PRELID2: variants seen among roughly 807,000 people sequenced by gnomAD.
PRELID2 encodes the protein PRELI domain-containing protein 2.
In PRELID2, 25 loss-of-function variants were observed where a neutral mutation model predicts 28.4. The observed-to-expected ratio is 0.88, with a 90% CI of 0.64 to 1.23. PRELID2 has a LOEUF of 1.23. PRELID2 is among the 50% of genes most tolerant of loss of function. The pLI, the probability that PRELID2 is intolerant of heterozygous loss-of-function variation, is 0.00. For missense variants in PRELID2, 201 were observed against 214.4 expected (o/e 0.94, Z 0.39); for synonymous variants, 76 against 71.6 (o/e 1.06, Z -0.31).
intron 1 of PRELID2, among the ~76,000 whole-genome samples, chr5:145,737,154 G>C (rs947502652): frequency 5.3e-5 from 8 of 152,102 alleles, no homozygotes; most frequent in African/African-American, 1.9e-4. Flanking sequence ...ATTTATTCAA[G>C]TTGGGACCAA....
the PRELID2 span, among the ~76,000 whole-genome samples, chr5:145,298,132 A>G: frequency 3.3e-5 from 5 of 152,238 alleles, no homozygotes; most frequent in African/African-American, 1.2e-4. Flanking sequence ...TAAAGTTCAT[A>G]TGGAACCAAA....
At chr5:145,495,942 G>T (rs1258906730) in intron 1 of PRELID2, among the ~76,000 whole-genome samples, 1 of 152,130 alleles carries the variant, frequency 6.6e-6, no homozygotes, top group Non-Finnish European at 1.5e-5. Flanking sequence ...ACCGGAGAAT[G>T]AGTCAGGTGT....
intron 3 of PRELID2, chr5:145,819,564 A>C: frequency 1.7e-6 from 1 of 582,352 alleles, no homozygotes; most frequent in Non-Finnish European, 3.0e-6. Context: ...TAGAAACTGA[A>C]GTTTTTCTCT....
chr5:145,503,974 C>T (rs1580961153), intron 1 of PRELID2, among the ~76,000 whole-genome samples: 1 of 152,274 alleles, frequency 6.6e-6, no homozygotes, highest in Non-Finnish European at 1.5e-5. Context: ...CTGGACCAGG[C>T]TCTGTAGTAA....
At chr5:145,715,751 T>C (rs1300819675) in intron 1 of PRELID2, among the ~76,000 whole-genome samples, 1 of 152,180 alleles carries the variant, frequency 6.6e-6, no homozygotes, top group Non-Finnish European at 1.5e-5. Context: ...TTTCTCCCTA[T>C]GAGTGTCCCA....
chr5:145,809,647 T>C (rs980627111), intron 4 of PRELID2, among the ~76,000 whole-genome samples: 6 of 152,208 alleles, frequency 3.9e-5, no homozygotes, highest in Non-Finnish European at 8.8e-5. Context: ...CTTTTAGACA[T>C]AGAAAGCTGA....
the PRELID2 span, among the ~76,000 whole-genome samples, chr5:145,438,437 T>A: frequency 6.6e-6 from 1 of 152,146 alleles, no homozygotes; most frequent in Non-Finnish European, 1.5e-5. Context: ...AGTGTTCTCT[T>A]AACCTCTTTT....
chr5:145,546,524 G>T (rs1173592980), intron 1 of PRELID2, among the ~76,000 whole-genome samples: 2 of 152,132 alleles, frequency 1.3e-5, no homozygotes, highest in African/African-American at 4.8e-5. Flanking sequence ...TAAAATCACA[G>T]TGGGGAGTAA....
chr5:145,415,375 G>T, the PRELID2 span, among the ~76,000 whole-genome samples: 7 of 151,486 alleles, frequency 4.6e-5, no homozygotes, highest in African/African-American at 7.3e-5. Flanking sequence ...CTGGTGTGCT[G>T]CACCCATTAA....
intron 1 of PRELID2, among the ~76,000 whole-genome samples, chr5:145,627,121 AAAAAAAAAAAAAAAAAAAAAAAAAAT>A (rs1753859043): frequency 3.0e-5 from 3 of 101,214 alleles, no homozygotes; most frequent in African/African-American, 1.8e-4. Context: ...AAAAAAAAAA[AAAAAAAAAAAAAAAAAAAAAAAAAAT>A]TTGTGTATAT....
chr5:145,537,561 G>A (rs147540220), intron 1 of PRELID2, among the ~76,000 whole-genome samples: 1 of 151,898 alleles, frequency 6.6e-6, no homozygotes, highest in African/African-American at 2.4e-5. Flanking sequence ...ACATTTCCCT[G>A]ATGATTAGTG....
At chr5:145,229,048 C>T in the PRELID2 span, 2 of 1,597,170 alleles carry the variant, frequency 1.3e-6, no homozygotes, top group Non-Finnish European at 8.6e-7. Flanking sequence ...GCCATCCAGT[C>T]CAGCGCACTG....
intron 1 of PRELID2, among the ~76,000 whole-genome samples, chr5:145,706,612 G>A (rs904698176): frequency 1.2e-4 from 19 of 152,250 alleles, no homozygotes; most frequent in Middle Eastern, 3.4e-3. Flanking sequence ...TAGGCACTAC[G>A]CTAGGTGATG....
chr5:145,793,654 A>G (rs1358412397), intron 5 of PRELID2, among the ~76,000 whole-genome samples: 2 of 152,212 alleles, frequency 1.3e-5, no homozygotes, highest in Non-Finnish European at 2.9e-5. Flanking sequence ...TGAGAATAAA[A>G]AGGAATCACT....
At chr5:145,332,553 T>C in the PRELID2 span, among the ~76,000 whole-genome samples, 1 of 151,976 alleles carries the variant, frequency 6.6e-6, no homozygotes, top group African/African-American at 2.4e-5. Context: ...TCTGCTTGAT[T>C]GATTTGGCTA....
the PRELID2 span, among the ~76,000 whole-genome samples, chr5:145,462,216 AG>A: frequency 6.6e-6 from 1 of 152,222 alleles, no homozygotes; most frequent in African/African-American, 2.4e-5. Context: ...GAAAAATCTC[AG>A]GAGACTGAAA....
chr5:145,713,478 CTA>C (rs533846178), intron 1 of PRELID2, among the ~76,000 whole-genome samples: 4 of 142,446 alleles, frequency 2.8e-5, no homozygotes, highest in Non-Finnish European at 6.1e-5. Context: ...TATACACACA[CTA>C]TATATATATA....
intron 1 of PRELID2, among the ~76,000 whole-genome samples, chr5:145,519,952 A>C (rs1379748370): frequency 6.6e-6 from 1 of 152,220 alleles, no homozygotes; most frequent in Non-Finnish European, 1.5e-5. Context: ...AATCATACTT[A>C]TGCTCTTTGT....
the PRELID2 span, among the ~76,000 whole-genome samples, chr5:145,421,771 C>G: frequency 2.2e-5 from 3 of 135,580 alleles, no homozygotes; most frequent in African/African-American, 5.4e-5. Context: ...TTGCCTTCTG[C>G]TAGCTTTTGA....
Sources: allele counts gnomAD v4.1 joint callset (sites outside exome capture counted in the v4.1 genomes callset), GRCh38; gene constraint gnomAD v4.1.1; transcripts MANE v1.5; gene names NCBI Gene and HGNC (gene_info 2026-07-23, HGNC 2026-07-21).